The following DGAT2 variants were observed in gnomAD, a reference collection of about 807,000 sequenced individuals.
DGAT2 encodes the protein diacylglycerol O-acyltransferase 2, also known as acyl-CoA retinol O-fatty-acyltransferase.
Under a neutral mutation model 48.4 loss-of-function variants are expected in DGAT2, and 33 were observed. The observed-to-expected ratio is 0.68, with a 90% confidence interval of 0.52 to 0.91. The LOEUF is 0.91. Among genes scored for constraint, DGAT2 ranks in the 40% least tolerant of loss-of-function variants. The pLI is 0.00. For missense variants in DGAT2, 446 were observed against 493.7 expected (o/e 0.90, Z 0.92); for synonymous variants, 191 against 194.1 (o/e 0.98, Z 0.13).
chr11:75,797,477 C>A, intron 6 of DGAT2, 145 bp downstream of exon 6: 1 of 1,048,608 alleles, frequency 9.5e-7, no homozygotes, highest in Non-Finnish European at 1.3e-6. Context: ...GATGTTGGAG[C>A]CCAGACTGCA....
At chr11:75,784,943 C>T (rs368335671) in intron 2 of DGAT2, among the ~76,000 whole-genome samples, 197 bp downstream of exon 2, 45 of 152,204 alleles carry the variant, frequency 3.0e-4, no homozygotes, top group African/African-American at 1.1e-3. Context: ...GAAGATTCAG[C>T]AAGATTCAGT....
intron 1 of DGAT2, among the ~76,000 whole-genome samples, chr11:75,771,458 C>A (rs1268287811): frequency 1.3e-5 from 2 of 152,012 alleles, no homozygotes; most frequent in African/African-American, 2.4e-5. Flanking sequence ...TTGTTGTGTG[C>A]GGCTCCAAAG....
intron 2 of DGAT2, among the ~76,000 whole-genome samples, chr11:75,786,567 A>T (rs1381812926): frequency 6.6e-6 from 1 of 152,060 alleles, no homozygotes; most frequent in East Asian, 1.9e-4. Context: ...AATTGATCAG[A>T]CCCAACCACA....
chr11:75,777,799 G>A (rs548544039), intron 1 of DGAT2, among the ~76,000 whole-genome samples: 2 of 152,206 alleles, frequency 1.3e-5, no homozygotes, highest in Non-Finnish European at 2.9e-5. Context: ...CGCCATGTAC[G>A]CTCAGGGCCT....
intron 1 of DGAT2, 101 bp downstream of exon 1, chr11:75,769,213 A>G: frequency 1.5e-6 from 2 of 1,344,620 alleles, no homozygotes; most frequent in Non-Finnish European, 1.9e-6. Flanking sequence ...TTCATTCTCC[A>G]CTGTGGCACT....
Position 75,800,541 on chromosome 11 carries a change from C to G in DGAT2, c.*33C>G. On this transcript the variant is annotated 3_prime_UTR_variant, in exon 8 of 8. Transcript: ENST00000228027. ...TTCGGGGCCAATTCCCTGGAGGAAC[C>G]AGCTGCAAATCACTTTTTTGCTCTG... 1 of 1,607,170 alleles carries G rather than the reference C, an allele frequency of 6.2e-7. No individual in the cohort carries two copies. Among genetic ancestry groups the G allele is most frequent in the Non-Finnish European group, 8.5e-7 (1 of 1,176,602 alleles).
chr11:75,800,378 A>G lies in DGAT2; in HGVS notation c.1037A>G (p.Lys346Arg), dbSNP rs745775539. The part of the protein sequence containing the change: ...TVVGEPITIP[K>R]LEHPTQQDID... ...GTGGGAGAGCCCATCACCATCCCCA[A>G]GCTGGAGCACCCAACCCAGCAAGAC... is the stretch of plus-strand genomic sequence containing the variant. Residue 346 changes from lysine to arginine, a missense_variant, in exon 8 of 8, where the codon AAG (lysine) becomes AGG (arginine). Coordinates refer to ENST00000228027, the MANE Select transcript of DGAT2 (RefSeq NM_032564.5). 30 of 1,614,018 alleles carry G rather than the reference A, an allele frequency of 1.9e-5. No individual in the cohort carries two copies. The highest frequency in any genetic ancestry group is 1.6e-4 in the Middle Eastern group (1 of 6,084).
rs1944964595 is a variant in DGAT2 at position 75,789,808 on chromosome 11, G to A, written c.251-380G>A. Among the ~76,000 whole-genome samples the A allele has an allele frequency of 2.0e-5, 3 of 152,208 alleles. No homozygotes were observed. In the South Asian group the frequency reaches 6.2e-4, roughly 32 times the overall value. ...CTTGAGATGCAGAGGCACTGGGTAG[G>A]TGTTCCCTCCCCTTATCCACAGTGT... On this transcript the variant is annotated intron_variant, in intron 2 of 7. Transcript: ENST00000228027.
At chr11:75,790,774 G>A in intron 4 of DGAT2, 43 bp downstream of exon 4, 1 of 1,605,972 alleles carries the variant, frequency 6.2e-7, no homozygotes, top group Non-Finnish European at 8.5e-7. Flanking sequence ...GGGAATGGAT[G>A]GGAAATCTGA....
At chr11:75,772,431 TC>T (rs2135756515) in intron 1 of DGAT2, among the ~76,000 whole-genome samples, 1 of 152,238 alleles carries the variant, frequency 6.6e-6, no homozygotes, top group East Asian at 1.9e-4. Flanking sequence ...GTCTTCCTGT[TC>T]CTGCAGCATT....
At chr11:75,795,865 G>T (rs1420110516) in intron 4 of DGAT2, 8 of 165,584 alleles carry the variant, frequency 4.8e-5, no homozygotes, top group Non-Finnish European at 1.1e-4. Context: ...ACTGACAGTG[G>T]GGGCAGAGCT....
intron 2 of DGAT2, among the ~76,000 whole-genome samples, chr11:75,787,532 G>A (rs1454183679): frequency 6.6e-6 from 1 of 152,252 alleles, no homozygotes. Context: ...GGTGATGTGT[G>A]AAAGTGGTCC....
At chr11:75,780,397 C>G (rs1416197015) in intron 1 of DGAT2, among the ~76,000 whole-genome samples, 1 of 152,168 alleles carries the variant, frequency 6.6e-6, no homozygotes, top group Admixed American at 6.5e-5. Context: ...GCTCTAGGTC[C>G]CAAATACCCT....
intron 7 of DGAT2, among the ~76,000 whole-genome samples, chr11:75,799,863 G>A (rs895703516): frequency 3.3e-5 from 5 of 151,980 alleles, no homozygotes; most frequent in South Asian, 2.1e-4. Flanking sequence ...AGCAATCTGC[G>A]GGTCTTTGCC....
At chr11:75,778,833 C>CAAAA (rs746636359) in intron 1 of DGAT2, among the ~76,000 whole-genome samples, 28 of 68,452 alleles carry the variant, frequency 4.1e-4, no homozygotes, top group African/African-American at 1.1e-3. Context: ...GACTCCGTCT[C>CAAAA]AAAAAAAAAA....
At chr11:75,796,822 G>T in intron 5 of DGAT2, 1 of 495,212 alleles carries the variant, frequency 2.0e-6, no homozygotes, top group South Asian at 2.7e-5. Flanking sequence ...GTTGTCCATG[G>T]CACTGTAATT....
chr11:75,769,040 C>A lies in DGAT2; in HGVS notation c.49C>A (p.Gln17Lys). Reference sequence around the variant, plus strand: ...CTCCGGGGTCCTGCGCGGCGAGCGTCAGGCCGAGGCTGACCGGAGCCAGCG... The same window carrying A: ...CTCCGGGGTCCTGCGCGGCGAGCGTAAGGCCGAGGCTGACCGGAGCCAGCG... ...AYSGVLRGER[Q>K]AEADRSQRSH... The change falls in exon 1 of 8, where the codon CAG becomes AAG. Residue 17 changes from glutamine (Q) to lysine (K), a missense_variant. Transcript: ENST00000228027. 8 of 1,576,434 alleles carry A rather than the reference C, an allele frequency of 5.1e-6. No homozygotes were observed. Among genetic ancestry groups the A allele is most frequent in the Non-Finnish European group, 6.9e-6 (8 of 1,163,938 alleles).
chr11:75,796,564 C>T, intron 5 of DGAT2, 32 bp downstream of exon 5: 2 of 1,600,370 alleles, frequency 1.2e-6, no homozygotes, highest in Non-Finnish European at 1.7e-6. Flanking sequence ...TCCTGCTGGG[C>T]ACTGTTGTCA....
chr11:75,786,352 A>T (rs534773280), intron 2 of DGAT2, among the ~76,000 whole-genome samples: 1 of 152,144 alleles, frequency 6.6e-6, no homozygotes, highest in Non-Finnish European at 1.5e-5. Flanking sequence ...AAGTACTGGG[A>T]CCAGGACAAG....
Sources: gnomAD v4.1 joint callset for allele counts (sites outside exome capture counted in the v4.1 genomes callset) on GRCh38, gnomAD v4.1.1 for gene constraint, MANE v1.5 for transcripts, NCBI Gene and HGNC (gene_info 2026-07-23, HGNC 2026-07-21) for gene names.